The following FBXL5 variants were observed in gnomAD, a reference collection of about 807,000 sequenced individuals.
FBXL5 encodes the protein F-box and leucine rich repeat protein 5.
Under a neutral mutation model 78.3 loss-of-function variants are expected in FBXL5, and 26 were observed. The ratio of observed to expected loss-of-function variants is 0.33; its 90% CI spans 0.24 to 0.46. The LOEUF (loss-of-function observed/expected upper bound fraction) is 0.46. Ranked by LOEUF, FBXL5 falls within the 20% of genes least tolerant of loss-of-function variation. The pLI, the probability that FBXL5 is intolerant of heterozygous loss-of-function variation, is 1.00. For synonymous variants in FBXL5, 295 were observed against 282.5 expected, an observed-to-expected ratio of 1.04 and a Z score of -0.45; for missense variants, 710 against 829.2, an observed-to-expected ratio of 0.86 and a Z score of 1.77.
chr4:15,646,184 T>C (rs1023267853), intron 1 of FBXL5, among the ~76,000 whole-genome samples: 4 of 152,222 alleles, frequency 2.6e-5, no homozygotes, highest in Non-Finnish European at 5.9e-5. Flanking sequence ...TGAATGACTG[T>C]AGCTGTATTT....
intron 1 of FBXL5, among the ~76,000 whole-genome samples, chr4:15,676,508 T>C (rs1355119726): frequency 2.0e-5 from 3 of 152,318 alleles, no homozygotes; most frequent in African/African-American, 7.2e-5. Context: ...AAATGAAATA[T>C]GTGGACATAG....
upstream of FBXL5, chr4:15,659,746 A>C: frequency 1.0e-6 from 1 of 984,754 alleles, no homozygotes; most frequent in Non-Finnish European, 1.2e-6. Flanking sequence ...TTTACCTCTT[A>C]GTAAATATTG....
Position 15,605,656 on chromosome 4 carries a change from A to C in FBXL5, c.*67T>G. On this transcript the variant is annotated 3_prime_UTR_variant, in exon 11 of 11. Coordinates refer to ENST00000341285, the MANE Select transcript of FBXL5 (RefSeq NM_012161.4). ...GGATGGTTAACACAAGAAATGTGCTATGAGTAAAGTGCATGAAAGAAAGCC... is the reference window on the plus strand; with the variant it reads ...GGATGGTTAACACAAGAAATGTGCTCTGAGTAAAGTGCATGAAAGAAAGCC... The C allele has an allele frequency of 1.5e-6, 2 of 1,340,218 alleles. No homozygotes were observed. The highest frequency in any genetic ancestry group is 2.4e-5 in the South Asian group (2 of 82,438). 83.0% of individuals were successfully genotyped at this position (1,340,218 alleles called of 1,614,324 possible).
chr4:15,643,949 T>TG (rs1343395890), intron 2 of FBXL5, among the ~76,000 whole-genome samples: 1 of 152,238 alleles, frequency 6.6e-6, no homozygotes, highest in Non-Finnish European at 1.5e-5. Flanking sequence ...AGGTAACTGA[T>TG]GAAGACTCTC....
upstream of FBXL5, among the ~76,000 whole-genome samples, chr4:15,660,470 A>C (rs1717251611): frequency 6.6e-6 from 1 of 152,226 alleles, no homozygotes; most frequent in Non-Finnish European, 1.5e-5. Flanking sequence ...GCTGAGAGCT[A>C]CCTAGAAATA....
chr4:15,629,725 A>C (rs1168538845), intron 6 of FBXL5, among the ~76,000 whole-genome samples: 2 of 152,116 alleles, frequency 1.3e-5, no homozygotes, highest in East Asian at 3.9e-4. Flanking sequence ...CTTTACATCA[A>C]AATGTGGCAC....
upstream of FBXL5, among the ~76,000 whole-genome samples, chr4:15,663,217 T>G (rs1453034976): frequency 6.6e-6 from 1 of 152,222 alleles, no homozygotes; most frequent in Non-Finnish European, 1.5e-5. Flanking sequence ...GGTAATATTA[T>G]ACATTGATAA....
chr4:15,632,394 C>T (rs1433195396), intron 5 of FBXL5, among the ~76,000 whole-genome samples: 5 of 152,232 alleles, frequency 3.3e-5, no homozygotes, highest in South Asian at 2.1e-4. Context: ...CTTGGCAACG[C>T]GGGCTCTTTT....
At chr4:15,647,240 A>AAG (rs1553853189) in intron 1 of FBXL5, among the ~76,000 whole-genome samples, 6 of 133,698 alleles carry the variant, frequency 4.5e-5, no homozygotes, top group Admixed American at 3.3e-4. Flanking sequence ...AAAAAAAAAA[A>AAG]AAAGAAAGAA....
chr4:15,676,676 A>G (rs1471815922), intron 1 of FBXL5, among the ~76,000 whole-genome samples: 1 of 150,766 alleles, frequency 6.6e-6, no homozygotes. Flanking sequence ...GTGTGTGTAT[A>G]TGTGAATGAG....
At chr4:15,634,503 ATTACAGGT>A (rs1009023775) in intron 5 of FBXL5, among the ~76,000 whole-genome samples, 4 of 151,840 alleles carry the variant, frequency 2.6e-5, no homozygotes, top group Admixed American at 1.3e-4. Flanking sequence ...AGTAGCTGGG[ATTACAGGT>A]GCCTGCCACC....
upstream of FBXL5, chr4:15,656,263 C>A (rs959946450): frequency 2.2e-6 from 1 of 456,222 alleles, no homozygotes; most frequent in Admixed American, 2.3e-5. Flanking sequence ...CATAAATCGC[C>A]TGGCCCTGGC....
At chr4:15,659,214 AAGT>A (rs1717184855), upstream of FBXL5, among the ~76,000 whole-genome samples, 1 of 152,218 alleles carries the variant, frequency 6.6e-6, no homozygotes, top group Non-Finnish European at 1.5e-5. Context: ...TTCCCTGAAC[AAGT>A]AGTAGGCATA....
intron 2 of FBXL5, chr4:15,641,727 T>C (rs1039451253): frequency 2.5e-6 from 1 of 404,346 alleles, no homozygotes; most frequent in African/African-American, 2.2e-5. Context: ...GGGTCAACTG[T>C]ACCTGTTAAC....
Position 15,605,335 on chromosome 4 carries a change from GA to G in FBXL5, c.*387del. The G allele has an allele frequency of 6.4e-6, 1 of 155,100 alleles. No homozygotes were observed. Among genetic ancestry groups the G allele is most frequent in the East Asian group, 1.9e-4 (1 of 5,290 alleles). 9.6% of individuals were successfully genotyped at this position (155,100 alleles called of 1,614,324 possible). A position where few individuals can be genotyped will look rare whatever the true frequency, so the allele number is the denominator to read the frequency against. On this transcript the variant is annotated 3_prime_UTR_variant, in exon 11 of 11. Coordinates refer to ENST00000341285, the MANE Select transcript of FBXL5 (RefSeq NM_012161.4). ...AATAAGTCTTCAGACATGTGTGTCG[GA>G]AAAGATCTGCAAAGCTTGGTACAGT...
chr4:15,638,543 A>T lies in FBXL5; in HGVS notation c.548T>A (p.Phe183Tyr). 6.3e-7 allele frequency: 1 copy of T among 1,595,406 alleles called. No homozygotes were observed. Among genetic ancestry groups the T allele is most frequent in the Non-Finnish European group, 8.5e-7 (1 of 1,175,548 alleles). The change falls in exon 4 of 11, where the codon TTT becomes TAT. Residue 183 changes from phenylalanine (F) to tyrosine (Y), a missense_variant. Around this residue, in one of 4 missense-constraint regions of FBXL5, gnomAD observed 517 missense variants for 542.9 expected, o/e 0.95. Transcript: ENST00000341285. Reference protein sequence around the residue: ...LWNHAEERQKFFKYSVDEKSD... With the variant: ...LWNHAEERQKYFKYSVDEKSD... Reference sequence around the variant, plus strand: ...CTTTTCATCCACGGAATATTTAAAAAACTTCTGTCGCTCTTCAGCATGATT... The same window carrying T: ...CTTTTCATCCACGGAATATTTAAAATACTTCTGTCGCTCTTCAGCATGATT...
intron 1 of FBXL5, among the ~76,000 whole-genome samples, chr4:15,669,880 A>G (rs565278993): frequency 6.6e-6 from 1 of 152,324 alleles, no homozygotes; most frequent in South Asian, 2.1e-4. Flanking sequence ...TCAACATTCC[A>G]ACTTATCCAA....
intron 5 of FBXL5, among the ~76,000 whole-genome samples, chr4:15,635,626 G>A (rs1208681756): frequency 2.0e-5 from 3 of 151,830 alleles, no homozygotes; most frequent in East Asian, 3.9e-4. Flanking sequence ...GGTGGTGCAC[G>A]CCTGTAATCC....
chr4:15,614,770 G>A (rs191156081), intron 9 of FBXL5, among the ~76,000 whole-genome samples: 49 of 152,086 alleles, frequency 3.2e-4, no homozygotes, highest in African/African-American at 9.7e-4. Context: ...CACAGCCCTC[G>A]CTTGCTCTCA....
Sources: gnomAD v4.1 joint callset for allele counts (sites outside exome capture counted in the v4.1 genomes callset) on GRCh38, gnomAD v4.1.1 for gene constraint, gnomAD v4.1.1 regional missense constraint, MANE v1.5 for transcripts, NCBI Gene and HGNC (gene_info 2026-07-23, HGNC 2026-07-21) for gene names.